BTBD1: variants seen among roughly 807,000 people sequenced by gnomAD.
BTBD1 encodes BTB domain containing 1.
Under a neutral mutation model 48.0 loss-of-function variants are expected in BTBD1, and 34 were observed. That is an observed-to-expected ratio of 0.71 (90% CI 0.54 to 0.94). BTBD1 has a LOEUF of 0.94. BTBD1 is among the 40% of genes least tolerant of loss of function. BTBD1 has a pLI of 0.00. For synonymous variants in BTBD1, 261 were observed against 242.1 expected (o/e 1.08, Z -0.72); for missense variants, 543 against 625.6 (o/e 0.87, Z 1.41).
chr15:83,029,674 C>T (rs974011311), intron 5 of BTBD1: 9 of 155,510 alleles, frequency 5.8e-5, no homozygotes, highest in African/African-American at 2.2e-4. Context: ...TAGTTCGAGA[C>T]CAGCCTGGAC....
In BTBD1 at chr15:83,067,187, ACTC is replaced by A. The variant is rs745352744; in HGVS notation, c.-39_-37del. On this transcript the variant is annotated 5_prime_UTR_variant, in exon 1 of 8. Coordinates refer to ENST00000261721, the MANE Select transcript of BTBD1 (RefSeq NM_025238.4). ...CGCGGTTGCCCACGTTATGGACAAAACTCCGCCGCCATCGCCCAGGCCGCCTCC... is the reference window on the plus strand; with the variant it reads ...CGCGGTTGCCCACGTTATGGACAAAACGCCGCCATCGCCCAGGCCGCCTCC... 8.2e-5 allele frequency: 112 copies of A among 1,360,696 alleles called. 1 individual carries two copies. The East Asian group carries it at 3.0e-3, about 36-fold the overall frequency. 84.3% of individuals were successfully genotyped at this position (1,360,696 alleles called of 1,614,324 possible). A position where few individuals can be genotyped will look rare whatever the true frequency, so the allele number is the denominator to read the frequency against.
In BTBD1 at chr15:83,017,741, A is replaced by G. The variant is rs1457578359; in HGVS notation, c.*326T>C. The G allele has an allele frequency of 6.2e-6, 1 of 161,340 alleles. No homozygotes were observed. The highest frequency in any genetic ancestry group is 1.3e-5 in the Non-Finnish European group (1 of 74,296). 10.0% of individuals were successfully genotyped at this position (161,340 alleles called of 1,614,324 possible). On this transcript the variant is annotated 3_prime_UTR_variant, in exon 8 of 8. Coordinates refer to ENST00000261721, the MANE Select transcript of BTBD1 (RefSeq NM_025238.4). The stretch of plus-strand genomic sequence containing the variant: ...AAAAACAAACCCAAACTAGCTATAT[A>G]TAACAAGAATCTTTCAATTCCCAAA...
intron 1 of BTBD1, among the ~76,000 whole-genome samples, chr15:83,065,070 AT>A (rs1475354380): frequency 6.6e-6 from 1 of 152,162 alleles, no homozygotes. Context: ...TATCCGTCAT[AT>A]TTAGTGACTG....
intron 4 of BTBD1, among the ~76,000 whole-genome samples, chr15:83,038,207 G>A (rs2032669207): frequency 6.6e-6 from 1 of 152,154 alleles, no homozygotes; most frequent in African/African-American, 2.4e-5. Context: ...TAACGTTCAA[G>A]CTGAGAGCCA....
chr15:83,049,499 T>G lies in BTBD1; in HGVS notation c.664+574A>C, dbSNP rs559879256. ...CTAACACTACTGCAATTTGAAGTAA[T>G]CGCACCATTTTCCGGATTTGCATAG... On this transcript the variant is annotated intron_variant, in intron 3 of 7. Coordinates refer to ENST00000261721, the MANE Select transcript of BTBD1 (RefSeq NM_025238.4). 2.0e-5 allele frequency among the ~76,000 whole-genome samples: 3 copies of G among 152,342 alleles called. No homozygotes were observed. The South Asian group carries it at 6.2e-4, about 32-fold the overall frequency.
At chr15:83,057,915 T>C (rs1411952169) in intron 1 of BTBD1, among the ~76,000 whole-genome samples, 1 of 152,240 alleles carries the variant, frequency 6.6e-6, no homozygotes, top group African/African-American at 2.4e-5. Context: ...GACTGGCACC[T>C]GGCATTAGAG....
At chr15:83,066,728 G>T (rs984677840) in intron 1 of BTBD1, 23 bp downstream of exon 1, 11 of 1,300,088 alleles carry the variant, frequency 8.5e-6, no homozygotes, top group African/African-American at 1.6e-5. Context: ...GCCCGGCCCG[G>T]CCCGGCCCGC....
chr15:83,058,253 A>G (rs2151313765), intron 1 of BTBD1, among the ~76,000 whole-genome samples: 1 of 152,328 alleles, frequency 6.6e-6, no homozygotes, highest in African/African-American at 2.4e-5. Context: ...CTCCAGATTC[A>G]TCTACTCTAG....
intron 2 of BTBD1, among the ~76,000 whole-genome samples, chr15:83,051,877 T>TATATATACACACACACACAC (rs1555441191): frequency 7.2e-6 from 1 of 138,816 alleles, no homozygotes; most frequent in Non-Finnish European, 1.5e-5. Flanking sequence ...TCCATATATA[T>TATATATACACACACACACAC]ACACACACAC....
At chr15:83,028,965 C>T (rs1420884223) in intron 5 of BTBD1, among the ~76,000 whole-genome samples, 2 of 152,038 alleles carry the variant, frequency 1.3e-5, no homozygotes, top group Non-Finnish European at 2.9e-5. Context: ...TTTACTTTCT[C>T]TTTTCTTATA....
chr15:83,065,032 G>A (rs1362818710), intron 1 of BTBD1, among the ~76,000 whole-genome samples: 1 of 152,048 alleles, frequency 6.6e-6, no homozygotes, highest in African/African-American at 2.4e-5. Context: ...GTCTTTTCAC[G>A]TTGTAACCAT....
At chr15:83,019,300 G>A (rs914451985) in intron 6 of BTBD1, among the ~76,000 whole-genome samples, 2 of 151,816 alleles carry the variant, frequency 1.3e-5, no homozygotes, top group East Asian at 1.9e-4. Context: ...GGTCTCAAGC[G>A]ATCTGCCCAC....
At chr15:83,038,541 A>C (rs984823020) in intron 4 of BTBD1, among the ~76,000 whole-genome samples, 1 of 152,206 alleles carries the variant, frequency 6.6e-6, no homozygotes, top group African/African-American at 2.4e-5. Flanking sequence ...CAGAACTAGA[A>C]AAATATTCTA....
chr15:83,027,182 G>A (rs940325468), intron 5 of BTBD1, among the ~76,000 whole-genome samples: 6 of 152,034 alleles, frequency 3.9e-5, no homozygotes, highest in South Asian at 4.1e-4. Context: ...GTGAAACCCC[G>A]TCTCTATTAA....
At chr15:83,044,427 T>C (rs2032834290) in intron 3 of BTBD1, 2 of 1,578,276 alleles carry the variant, frequency 1.3e-6, no homozygotes, top group Non-Finnish European at 1.7e-6. Context: ...AACGCTTTGA[T>C]GAATACATGA....
chr15:83,047,482 A>G (rs1186168571), intron 3 of BTBD1, among the ~76,000 whole-genome samples: 1 of 152,164 alleles, frequency 6.6e-6, no homozygotes, highest in East Asian at 1.9e-4. Context: ...TTTACCAAAG[A>G]TGTTTTCTCT....
At chr15:83,060,460 C>CAA (rs10706509) in intron 1 of BTBD1, among the ~76,000 whole-genome samples, 134 of 111,210 alleles carry the variant, frequency 1.2e-3, no homozygotes, top group African/African-American at 2.1e-3. Context: ...TAATAATTTT[C>CAA]AAAAAAAAAA....
chr15:83,030,350 C>T (rs374731662), intron 4 of BTBD1, 22 bp from the exon 5 acceptor site: 6 of 1,574,834 alleles, frequency 3.8e-6, no homozygotes, highest in Middle Eastern at 1.7e-4. Context: ...AAAACATAAG[C>T]CTAAAAAAAG....
rs1295788430 is a variant in BTBD1, at chr15:83,017,986, A to G, written c.*81T>C. On this transcript the variant is annotated 3_prime_UTR_variant, in exon 8 of 8. Coordinates refer to ENST00000261721, the MANE Select transcript of BTBD1 (RefSeq NM_025238.4). Reference sequence around the variant, plus strand: ...ACAATTTTAAATATTCATAACACTCAAACTACTTTTTTGTGGCCATTTATG... The same window carrying G: ...ACAATTTTAAATATTCATAACACTCGAACTACTTTTTTGTGGCCATTTATG... The G allele has an allele frequency of 1.1e-6, 1 of 928,380 alleles. No homozygotes were observed. The highest frequency in any genetic ancestry group is 1.7e-5 in the African/African-American group (1 of 59,322). The allele number at this position is 928,380 out of a possible 1,614,324, so 57.5% of individuals were successfully genotyped here. A position where few individuals can be genotyped will look rare whatever the true frequency, so the allele number is the denominator to read the frequency against.
Sources: gnomAD v4.1 joint callset for allele counts (sites outside exome capture counted in the v4.1 genomes callset) on GRCh38, gnomAD v4.1.1 for gene constraint, MANE v1.5 for transcripts, NCBI Gene and HGNC (gene_info 2026-07-23, HGNC 2026-07-21) for gene names.